The following CDC42SE2 variants were observed in gnomAD, a reference collection of about 807,000 sequenced individuals.
The protein encoded by CDC42SE2 is CDC42 small effector protein 2.
A neutral mutation model predicts 11.5 loss-of-function variants in CDC42SE2; 3 were observed. The observed-to-expected ratio is 0.26, with a 90% CI of 0.12 to 0.67. CDC42SE2 has a LOEUF of 0.67. CDC42SE2 is among the 30% of genes least tolerant of loss of function. The pLI, the probability that CDC42SE2 is intolerant of heterozygous loss-of-function variation, is 0.80. For synonymous variants in CDC42SE2, 33 were observed against 34.8 expected, an observed-to-expected ratio of 0.95 and a Z score of 0.18; for missense variants, 82 against 106.8, an observed-to-expected ratio of 0.77 and a Z score of 1.02.
At chr5:131,274,696 C>T (rs549883338) in intron 1 of CDC42SE2, among the ~76,000 whole-genome samples, 1 of 152,274 alleles carries the variant, frequency 6.6e-6, no homozygotes, top group East Asian at 1.9e-4. Context: ...TCTGTACGTC[C>T]TGCTTGTCTG....
intron 3 of CDC42SE2, among the ~76,000 whole-genome samples, chr5:131,381,036 C>G (rs1275331200): frequency 6.6e-6 from 1 of 152,214 alleles, no homozygotes; most frequent in Non-Finnish European, 1.5e-5. Context: ...CCTCTTGACA[C>G]TTGTACACAC....
At chr5:131,373,653 A>G (rs1750072262) in intron 3 of CDC42SE2, among the ~76,000 whole-genome samples, 1 of 152,210 alleles carries the variant, frequency 6.6e-6, no homozygotes, top group Non-Finnish European at 1.5e-5. Context: ...AGAAAAGCTA[A>G]AAGGAATGAA....
chr5:131,237,639 C>G, the CDC42SE2 span, among the ~76,000 whole-genome samples: 1 of 152,156 alleles, frequency 6.6e-6, no homozygotes, highest in Non-Finnish European at 1.5e-5. Flanking sequence ...AGTGCAGTGG[C>G]ACGAGCATAG....
chr5:131,347,896 A>AACC (rs1205045058), intron 2 of CDC42SE2, among the ~76,000 whole-genome samples: 7 of 150,890 alleles, frequency 4.6e-5, no homozygotes, highest in East Asian at 1.9e-4. Flanking sequence ...CAAAGACAAA[A>AACC]ACATGATTAT....
the CDC42SE2 span, among the ~76,000 whole-genome samples, chr5:131,232,934 A>T: frequency 7.0e-6 from 1 of 143,798 alleles, no homozygotes; most frequent in Non-Finnish European, 1.5e-5. Flanking sequence ...TGCACACAGT[A>T]AAAAAAAAAA....
intron 1 of CDC42SE2, among the ~76,000 whole-genome samples, chr5:131,281,499 A>C (rs1473447838): frequency 6.6e-6 from 1 of 152,246 alleles, no homozygotes; most frequent in Non-Finnish European, 1.5e-5. Flanking sequence ...AACAAATTCT[A>C]GAAAAGTGTT....
chr5:131,283,086 C>T (rs1004474495), intron 1 of CDC42SE2, among the ~76,000 whole-genome samples: 1 of 151,856 alleles, frequency 6.6e-6, no homozygotes, highest in Non-Finnish European at 1.5e-5. Context: ...TGCCACCATG[C>T]CTGGCTAATT....
rs145592244 is a variant in CDC42SE2 at position 131,270,647 on chromosome 5, A to G, written c.-455+6481A>G. ...GTAGACTAAGTCTTTCTCTGCTTCTAGATGAGCTTTTAGCGTGATCAGATA... is the reference window on the plus strand; with the variant it reads ...GTAGACTAAGTCTTTCTCTGCTTCTGGATGAGCTTTTAGCGTGATCAGATA... On this transcript the variant is annotated intron_variant, in intron 1 of 4. Coordinates refer to ENST00000505065, the MANE Select transcript of CDC42SE2 (RefSeq NM_001375635.1). 4.0e-3 allele frequency among the ~76,000 whole-genome samples: 616 copies of G among 152,342 alleles called. 6 individuals are homozygous for G. Among genetic ancestry groups the G allele is most frequent in the African/African-American group, 0.014 (596 of 41,590 alleles).
At chr5:131,287,592 C>T (rs1168865842) in intron 1 of CDC42SE2, among the ~76,000 whole-genome samples, 6 of 151,128 alleles carry the variant, frequency 4.0e-5, no homozygotes, top group African/African-American at 1.2e-4. Flanking sequence ...CCTCCCAAGT[C>T]GGTGGGACTA....
chr5:131,389,846 G>C (rs1363223998), intron 4 of CDC42SE2, among the ~76,000 whole-genome samples: 1 of 152,092 alleles, frequency 6.6e-6, no homozygotes, highest in East Asian at 1.9e-4. Flanking sequence ...CACTAGTTAG[G>C]CCATCACCTC....
intron 2 of CDC42SE2, among the ~76,000 whole-genome samples, chr5:131,335,319 G>A (rs933359086): frequency 4.6e-5 from 7 of 152,194 alleles, no homozygotes; most frequent in Non-Finnish European, 7.3e-5. Flanking sequence ...TGATTGCACT[G>A]TGGTCTGAGA....
At chr5:131,239,309 T>C in the CDC42SE2 span, among the ~76,000 whole-genome samples, 6 of 151,984 alleles carry the variant, frequency 3.9e-5, no homozygotes, top group Admixed American at 3.9e-4. Flanking sequence ...TGGCAGCTTA[T>C]GCATGTAATT....
At chr5:131,218,743 T>C in the CDC42SE2 span, among the ~76,000 whole-genome samples, 1 of 152,174 alleles carries the variant, frequency 6.6e-6, no homozygotes, top group Non-Finnish European at 1.5e-5. Context: ...GCGGTTATCC[T>C]TGTTGTTGGG....
intron 1 of CDC42SE2, among the ~76,000 whole-genome samples, chr5:131,289,361 C>T (rs1316183616): frequency 6.6e-6 from 1 of 152,146 alleles, no homozygotes; most frequent in African/African-American, 2.4e-5. Context: ...GTTGATAAAG[C>T]AAGGAGTCAT....
At chr5:131,366,813 T>C (rs986997472) in intron 3 of CDC42SE2, among the ~76,000 whole-genome samples, 2 of 151,940 alleles carry the variant, frequency 1.3e-5, no homozygotes, top group East Asian at 1.9e-4. Flanking sequence ...TGCTAGAGCC[T>C]AGGAGTTCGA....
At chr5:131,335,525 T>C (rs143622434) in intron 2 of CDC42SE2, among the ~76,000 whole-genome samples, 2,494 of 152,306 alleles carry the variant, frequency 0.016, 38 homozygotes, top group Middle Eastern at 0.048. Context: ...ATATCCTTGT[T>C]AACTTTCTGT....
chr5:131,313,881 G>A (rs1757984238), intron 1 of CDC42SE2, among the ~76,000 whole-genome samples: 1 of 152,126 alleles, frequency 6.6e-6, no homozygotes, highest in African/African-American at 2.4e-5. Flanking sequence ...TGGCCGTAGT[G>A]CAGTGGCATG....
At chr5:131,374,226 G>A (rs960060724) in intron 3 of CDC42SE2, among the ~76,000 whole-genome samples, 2 of 151,986 alleles carry the variant, frequency 1.3e-5, no homozygotes, top group Admixed American at 6.6e-5. Flanking sequence ...CTATTTAATC[G>A]GTTATACCAC....
upstream of CDC42SE2, among the ~76,000 whole-genome samples, chr5:131,244,523 C>T (rs1223841222): frequency 1.3e-5 from 2 of 152,138 alleles, no homozygotes; most frequent in Non-Finnish European, 2.9e-5. Context: ...CCAGCCTAGC[C>T]AACAGGGTGA....
Sources: gnomAD v4.1 joint callset for allele counts (sites outside exome capture counted in the v4.1 genomes callset) on GRCh38, gnomAD v4.1.1 for gene constraint, MANE v1.5 for transcripts, NCBI Gene and HGNC (gene_info 2026-07-23, HGNC 2026-07-21) for gene names.